The following CDH4 variants were observed in gnomAD, a reference collection of about 807,000 sequenced individuals.
CDH4 encodes the protein cadherin 4, also known as cadherin-4.
A neutral mutation model predicts 86.0 loss-of-function variants in CDH4; 33 were observed. The ratio of observed to expected loss-of-function variants is 0.38; its 90% CI spans 0.29 to 0.51. The LOEUF (loss-of-function observed/expected upper bound fraction) is 0.51, where lower values mean the gene tolerates loss of function less well. Among genes scored for constraint, CDH4 ranks in the 20% least tolerant of loss-of-function variants. The pLI, the probability that CDH4 is intolerant of heterozygous loss-of-function variation, is 0.86. For missense variants in CDH4, 1,114 were observed against 1,307.4 expected, an observed-to-expected ratio of 0.85 and a Z score of 2.28; for synonymous variants, 555 against 549.4, an observed-to-expected ratio of 1.01 and a Z score of -0.14.
chr20:61,836,823 G>T (rs752066488), intron 4 of CDH4, among the ~76,000 whole-genome samples: 4 of 152,218 alleles, frequency 2.6e-5, no homozygotes, highest in Non-Finnish European at 5.9e-5. Context: ...TCTCACGCTG[G>T]ACGGGGTTAC....
At chr20:61,749,770 C>G (rs989693379) in intron 3 of CDH4, among the ~76,000 whole-genome samples, 1 of 152,144 alleles carries the variant, frequency 6.6e-6, no homozygotes, top group Non-Finnish European at 1.5e-5. Context: ...ATAAAGAAGG[C>G]AGAAAATTGG....
At chr20:61,408,421 A>G (rs1228955246) in intron 2 of CDH4, among the ~76,000 whole-genome samples, 1 of 152,188 alleles carries the variant, frequency 6.6e-6, no homozygotes, top group Non-Finnish European at 1.5e-5. Context: ...AGACTTGGAC[A>G]CAGGCACATG....
At position 61,518,796 on chromosome 20, in the gene CDH4, C is replaced by T. The variant is rs577065902; in HGVS notation, c.170-224767C>T. ...TCCATCCTTTCATCCATCATTCATT[C>T]ATCCATCCACCCATCATCCATCCAT... On this transcript the variant is annotated intron_variant, in intron 2 of 15. Coordinates refer to ENST00000614565, the MANE Select transcript of CDH4 (RefSeq NM_001794.5). The surrounding 1 kb of genome is among the most constrained non-coding windows in gnomAD (Gnocchi z 6.3). Among the ~76,000 whole-genome samples the T allele has an allele frequency of 5.3e-5, 8 of 152,144 alleles. No homozygotes were observed. The East Asian group carries it at 1.4e-3, about 26-fold the overall frequency.
intron 2 of CDH4, among the ~76,000 whole-genome samples, chr20:61,504,405 C>T (rs182405230): frequency 8.5e-5 from 13 of 152,310 alleles, no homozygotes; most frequent in Admixed American, 7.8e-4. Context: ...CTTGGGATGG[C>T]TCCTTAAACA....
rs1025677510 is a variant in CDH4, at chr20:61,708,142, G to C, written c.170-35421G>C. 4.6e-5 allele frequency among the ~76,000 whole-genome samples: 7 copies of C among 152,196 alleles called. No individual in the cohort carries two copies. The highest frequency in any genetic ancestry group is 2.6e-4 in the Admixed American group (4 of 15,292). ...GGCATAGCCATCACCCAGCACAGCA[G>C]TGGTTTCAGGCAACAGCCCGGGAGG... is the stretch of plus-strand genomic sequence containing the variant. On this transcript the variant is annotated intron_variant, in intron 2 of 15. Coordinates refer to ENST00000614565, the MANE Select transcript of CDH4 (RefSeq NM_001794.5). The surrounding 1 kb of genome is among the most constrained non-coding windows in gnomAD (Gnocchi z 4.5).
chr20:61,844,077 A>G (rs13043874), intron 4 of CDH4, among the ~76,000 whole-genome samples: 1,550 of 152,304 alleles, frequency 0.01, 19 homozygotes, highest in Middle Eastern at 0.044. Flanking sequence ...ATGAATCTCA[A>G]TCTTTGCTCA....
intron 6 of CDH4, among the ~76,000 whole-genome samples, chr20:61,867,574 A>AGC (rs1983608316): frequency 7.0e-6 from 1 of 142,736 alleles, no homozygotes; most frequent in South Asian, 2.3e-4. Context: ...AGAGAGAGAG[A>AGC]GCTTATGATA....
In CDH4 at chr20:61,466,571, C is replaced by T. The variant is rs190796185; in HGVS notation, c.169+211634C>T. ...GAATTCATTCTTTCCTGGCTGGGCA[C>T]GGTGGTTCATGCCTATAATCTTAGC... On this transcript the variant is annotated intron_variant, in intron 2 of 15. Transcript: ENST00000614565. Among the ~76,000 whole-genome samples, 576 of 152,172 alleles carry T rather than the reference C, an allele frequency of 3.8e-3. 9 individuals carry two copies. The highest frequency in any genetic ancestry group is 0.036 in the Admixed American group (550 of 15,282).
chr20:61,862,037 G>C (rs1600719463), intron 6 of CDH4, among the ~76,000 whole-genome samples: 1 of 152,194 alleles, frequency 6.6e-6, no homozygotes, highest in Non-Finnish European at 1.5e-5. Context: ...CTGTCCCCGG[G>C]CCCTGGCAAA....
intron 7 of CDH4, among the ~76,000 whole-genome samples, chr20:61,892,621 G>C (rs151302949): frequency 2.8e-4 from 42 of 152,328 alleles, no homozygotes; most frequent in African/African-American, 9.4e-4. Context: ...ATGACACATG[G>C]AGTGCTGTGG....
intron 2 of CDH4, among the ~76,000 whole-genome samples, chr20:61,406,606 CTCTGCCTGGACCACCATCTGCCATCTGT>C: frequency 2.0e-5 from 3 of 149,226 alleles, no homozygotes; most frequent in African/African-American, 7.5e-5. Flanking sequence ...CCACCATCTG[CTCTGCCTGGACCACCATCTGCCATCTGT>C]TCTGCCTGGA....
intron 2 of CDH4, among the ~76,000 whole-genome samples, chr20:61,525,567 G>A (rs1031393321): frequency 1.4e-4 from 21 of 152,200 alleles, no homozygotes; most frequent in African/African-American, 4.1e-4. Context: ...TGCAGAAGCC[G>A]GGACTTGCTG....
chr20:61,830,916 G>A (rs536948209), intron 4 of CDH4, among the ~76,000 whole-genome samples: 71 of 152,306 alleles, frequency 4.7e-4, no homozygotes, highest in South Asian at 1.4e-3. Flanking sequence ...GCAGGAACCC[G>A]CTGCTGCAGT....
chr20:61,367,965 G>A (rs1056136450), intron 2 of CDH4, among the ~76,000 whole-genome samples: 1 of 151,032 alleles, frequency 6.6e-6, no homozygotes, highest in East Asian at 2.0e-4. Context: ...CTGCCTCCTG[G>A]GTTCAAGCAA....
intron 2 of CDH4, among the ~76,000 whole-genome samples, chr20:61,357,700 C>G (rs2084759034): frequency 6.6e-6 from 1 of 152,142 alleles, no homozygotes; most frequent in Non-Finnish European, 1.5e-5. Context: ...CCACAAGAAA[C>G]CAGAAATCTG....
At chr20:61,363,647 G>A (rs983590259) in intron 2 of CDH4, among the ~76,000 whole-genome samples, 3 of 152,128 alleles carry the variant, frequency 2.0e-5, no homozygotes, top group East Asian at 1.9e-4. Context: ...TGTTCCTGAC[G>A]GGGGCCACAG....
intron 2 of CDH4, among the ~76,000 whole-genome samples, chr20:61,661,093 G>GGGGGGGGGGGGC (rs907816921): frequency 2.0e-5 from 2 of 102,206 alleles, no homozygotes; most frequent in Non-Finnish European, 5.2e-5. Context: ...GCGGGGGGGG[G>GGGGGGGGGGGGC]GGAGACACAG....
chr20:61,464,414 G>A (rs915954774), intron 2 of CDH4, among the ~76,000 whole-genome samples: 4 of 152,160 alleles, frequency 2.6e-5, no homozygotes, highest in Admixed American at 6.6e-5. Context: ...AGAAGTTAAC[G>A]CTGCTACTAC....
chr20:61,906,492 T>C (rs2041220424), intron 8 of CDH4, among the ~76,000 whole-genome samples: 1 of 152,200 alleles, frequency 6.6e-6, no homozygotes, highest in African/African-American at 2.4e-5. Flanking sequence ...GGCCAGAAGC[T>C]ACAGAGGGCT....
Sources: allele counts gnomAD v4.1 joint callset (sites outside exome capture counted in the v4.1 genomes callset), GRCh38; gene constraint gnomAD v4.1.1; non-coding constraint Gnocchi (gnomAD v3.1); transcripts MANE v1.5; gene names NCBI Gene and HGNC (gene_info 2026-07-23, HGNC 2026-07-21).